VEGFC: variants seen among roughly 807,000 people sequenced by gnomAD.
VEGFC encodes the protein vascular endothelial growth factor C, also known as FLT4 ligand DHM.
A neutral mutation model predicts 46.1 loss-of-function variants in VEGFC; 12 were observed. That is an observed-to-expected ratio of 0.26 (90% CI 0.17 to 0.42). The LOEUF is 0.42. VEGFC is among the 10% of genes least tolerant of loss of function. The probability of loss-of-function intolerance (pLI) is 1.00; values close to 1 mark genes in which losing one functional copy is unlikely to be tolerated. For missense variants in VEGFC, 488 were observed against 529.4 expected (o/e 0.92, Z 0.77); for synonymous variants, 232 against 195.5 (o/e 1.19, Z -1.56).
intron 1 of VEGFC, among the ~76,000 whole-genome samples, chr4:176,762,591 ATTTCTG>A (rs1244953967): frequency 6.6e-6 from 1 of 152,200 alleles, no homozygotes; most frequent in Non-Finnish European, 1.5e-5. Flanking sequence ...GACTTAAGAC[ATTTCTG>A]TTTCTAACAG....
intron 3 of VEGFC, among the ~76,000 whole-genome samples, chr4:176,727,435 TTATTGCC>T (rs1467360064): frequency 6.6e-6 from 1 of 152,162 alleles, no homozygotes; most frequent in African/African-American, 2.4e-5. Flanking sequence ...TAAAAGTATT[TTATTGCC>T]AAATGAACAT....
At chr4:176,707,529 G>T (rs1009446751) in intron 4 of VEGFC, among the ~76,000 whole-genome samples, 3 of 151,930 alleles carry the variant, frequency 2.0e-5, no homozygotes, top group Non-Finnish European at 1.5e-5. Context: ...AAATTATTTG[G>T]GTATATCACA....
rs779267769 is a variant in VEGFC at position 176,792,269 on chromosome 4, C to A, written c.43G>T (p.Ala15Ser). 1 of 1,551,802 alleles carries A rather than the reference C, an allele frequency of 6.4e-7. No individual in the cohort carries two copies. The highest frequency in any genetic ancestry group is 8.7e-7 in the Non-Finnish European group (1 of 1,151,320). Residue 15 changes from alanine to serine, a missense_variant, in exon 1 of 7, where the codon GCC becomes TCC. Ala to Ser is a moderately conservative substitution (Grantham distance 99). Transcript: ENST00000618562. This position sits in a 1 kb window ranked among gnomAD's most constrained non-coding sequence, Gnocchi z 6.3. ...CGAGGACCCGGGAGCAGCGCAGCGG[C>A]GAGCAGAGAACACGCCACAGAGAAG... ...GFFSVACSLL[A>S]AALLPGPREA...
At chr4:176,756,074 C>A (rs146505338) in intron 1 of VEGFC, among the ~76,000 whole-genome samples, 7 of 152,096 alleles carry the variant, frequency 4.6e-5, no homozygotes, top group Middle Eastern at 3.4e-3. Context: ...AACACATGAG[C>A]TCAAATTCTG....
intron 1 of VEGFC, among the ~76,000 whole-genome samples, chr4:176,737,016 A>C (rs573814691): frequency 1.3e-5 from 2 of 151,004 alleles, no homozygotes; most frequent in Non-Finnish European, 3.0e-5. Context: ...AACAAAATAT[A>C]TATCAGTATA....
At chr4:176,781,345 G>C (rs978867066) in intron 1 of VEGFC, among the ~76,000 whole-genome samples, 1 of 152,150 alleles carries the variant, frequency 6.6e-6, no homozygotes, top group East Asian at 1.9e-4. Context: ...ATCTCAGTAA[G>C]TGTTCTCTTT....
Position 176,774,550 on chromosome 4 carries a change from T to C in VEGFC, c.147+17615A>G, listed in dbSNP as rs143676936. 6.2e-4 allele frequency among the ~76,000 whole-genome samples: 94 copies of C among 152,184 alleles called. 1 individual carries two copies. The East Asian group carries it at 0.015, about 24-fold the overall frequency. On this transcript the variant is annotated intron_variant, in intron 1 of 6. Coordinates refer to ENST00000618562, the MANE Select transcript of VEGFC (RefSeq NM_005429.5). Reference sequence around the variant, plus strand: ...TTGCATATGTAAAATGGGGACAACATGTGAAAGAGGAGAATATGAAACCAA... The same window carrying C: ...TTGCATATGTAAAATGGGGACAACACGTGAAAGAGGAGAATATGAAACCAA...
At chr4:176,768,390 A>G (rs1187933274) in intron 1 of VEGFC, among the ~76,000 whole-genome samples, 2 of 151,382 alleles carry the variant, frequency 1.3e-5, no homozygotes, top group Non-Finnish European at 2.9e-5. Context: ...GGAGAATGGG[A>G]TGGAGTAACC....
rs939270059 is a variant in VEGFC at position 176,785,616 on chromosome 4, C to G, written c.147+6549G>C. Among the ~76,000 whole-genome samples the G allele has an allele frequency of 2.2e-5, 3 of 137,082 alleles. No homozygotes were observed. The South Asian group carries it at 8.3e-4, about 38-fold the overall frequency. The allele number at this position is 137,082 out of a possible 152,430, so 89.9% of individuals were successfully genotyped here. ...TTAAAAAGCAGGAATTTCCAGGACA[C>G]TTTAGGGTTCTCTCCTTCTCTTTTT... On this transcript the variant is annotated intron_variant, in intron 1 of 6. Transcript: ENST00000618562.
chr4:176,762,610 C>T lies in VEGFC; in HGVS notation c.147+29555G>A, dbSNP rs1468150761. On this transcript the variant is annotated intron_variant, in intron 1 of 6. Transcript: ENST00000618562. ...TAAGACATTTCTGTTTCTAACAGTTCGGTAGAAGACTCTTTCTGAAAAAGT... is the reference window on the plus strand; with the variant it reads ...TAAGACATTTCTGTTTCTAACAGTTTGGTAGAAGACTCTTTCTGAAAAAGT... 5.9e-5 allele frequency among the ~76,000 whole-genome samples: 9 copies of T among 152,168 alleles called. No homozygotes were observed. In the South Asian group the frequency reaches 8.3e-4, roughly 14 times the overall value.
intron 1 of VEGFC, among the ~76,000 whole-genome samples, chr4:176,791,553 T>C (rs1018720613): frequency 2.6e-5 from 3 of 115,366 alleles, no homozygotes; most frequent in Non-Finnish European, 4.0e-5. Flanking sequence ...GCTTATAAAG[T>C]TGAAACAAGC....
intron 1 of VEGFC, among the ~76,000 whole-genome samples, chr4:176,732,042 T>C (rs1734976993): frequency 1.3e-5 from 2 of 151,880 alleles, no homozygotes; most frequent in Admixed American, 6.6e-5. Context: ...AAGGCCTTTT[T>C]AAAGTGAATA....
chr4:176,775,396 T>G (rs530658175), intron 1 of VEGFC, among the ~76,000 whole-genome samples: 1 of 152,344 alleles, frequency 6.6e-6, no homozygotes, highest in Admixed American at 6.5e-5. Context: ...TCTTAATCAG[T>G]ATAAAAGAGC....
At chr4:176,704,203 T>C (rs1349266982) in intron 4 of VEGFC, among the ~76,000 whole-genome samples, 1 of 152,174 alleles carries the variant, frequency 6.6e-6, no homozygotes, top group Non-Finnish European at 1.5e-5. Flanking sequence ...CAGATTACTG[T>C]TTCTCCAGAT....
chr4:176,718,929 T>C (rs552502405), intron 3 of VEGFC, among the ~76,000 whole-genome samples: 1 of 152,314 alleles, frequency 6.6e-6, no homozygotes, highest in African/African-American at 2.4e-5. Context: ...CTCTTAAACA[T>C]ACAACTTCTC....
chr4:176,703,825 A>T (rs1560939787), intron 4 of VEGFC, among the ~76,000 whole-genome samples: 1 of 152,052 alleles, frequency 6.6e-6, no homozygotes, highest in Non-Finnish European at 1.5e-5. Flanking sequence ...TATCCAAACA[A>T]ATTTAGTTTG....
At chr4:176,784,654 G>A (rs1327783677) in intron 1 of VEGFC, among the ~76,000 whole-genome samples, 2 of 149,958 alleles carry the variant, frequency 1.3e-5, no homozygotes, top group Non-Finnish European at 3.0e-5. Flanking sequence ...TCAGGAGGCT[G>A]AGGCAGGAGA....
At chr4:176,692,995 A>G (rs949273900) in intron 4 of VEGFC, among the ~76,000 whole-genome samples, 1 of 151,266 alleles carries the variant, frequency 6.6e-6, no homozygotes, top group Non-Finnish European at 1.5e-5. Context: ...ATCATCAAAG[A>G]CCAAAAGTCG....
At chr4:176,739,224 C>G (rs1735113730) in intron 1 of VEGFC, among the ~76,000 whole-genome samples, 1 of 151,482 alleles carries the variant, frequency 6.6e-6, no homozygotes, top group African/African-American at 2.4e-5. Flanking sequence ...ATTAGTTTAA[C>G]CATTCTGAAA....
Sources: allele counts gnomAD v4.1 joint callset (sites outside exome capture counted in the v4.1 genomes callset), GRCh38; gene constraint gnomAD v4.1.1; non-coding constraint Gnocchi (gnomAD v3.1); transcripts MANE v1.5; gene names NCBI Gene and HGNC (gene_info 2026-07-23, HGNC 2026-07-21).